Variants in RASGRP3 observed in about 807,000 individuals in gnomAD.
RASGRP3 encodes the protein RAS guanyl releasing protein 3.
RASGRP3 carries 54 observed loss-of-function variants against 82.7 expected under a neutral mutation model. That is an observed-to-expected ratio of 0.65 (90% CI 0.52 to 0.82). The LOEUF is 0.82. RASGRP3 is among the 40% of genes least tolerant of loss of function. The probability of loss-of-function intolerance (pLI) is 0.00; values close to 1 mark genes in which losing one functional copy is unlikely to be tolerated. For synonymous variants in RASGRP3, 309 were observed against 300.5 expected (o/e 1.03, Z -0.29); for missense variants, 861 against 828.9 (o/e 1.04, Z -0.48).
At chr2:33,549,325 C>T (rs956724968) in intron 13 of RASGRP3, among the ~76,000 whole-genome samples, 3 of 139,546 alleles carry the variant, frequency 2.1e-5, no homozygotes, top group Admixed American at 7.4e-5. Context: ...TTCTGTGCTG[C>T]GGTGCACAGG....
intron 11 of RASGRP3, among the ~76,000 whole-genome samples, chr2:33,536,872 T>C (rs539717663): frequency 6.5e-4 from 99 of 151,458 alleles, no homozygotes; most frequent in Non-Finnish European, 1.2e-3. Context: ...CCGGGGAGAG[T>C]GCTTTTGGGC....
At chr2:33,503,771 A>G (rs1349326482) in intron 1 of RASGRP3, among the ~76,000 whole-genome samples, 2 of 152,224 alleles carry the variant, frequency 1.3e-5, no homozygotes, top group African/African-American at 4.8e-5. Flanking sequence ...AACATAGTAC[A>G]GTTTCTCTTA....
intron 1 of RASGRP3, among the ~76,000 whole-genome samples, chr2:33,500,332 G>T (rs1308923101): frequency 6.6e-6 from 1 of 152,152 alleles, no homozygotes; most frequent in Non-Finnish European, 1.5e-5. Flanking sequence ...TGGAAAGATT[G>T]ATTTGGGCCC....
intron 1 of RASGRP3, among the ~76,000 whole-genome samples, chr2:33,506,035 A>G (rs1195354170): frequency 6.6e-6 from 1 of 152,264 alleles, no homozygotes; most frequent in East Asian, 1.9e-4. Context: ...AAACATAAAT[A>G]AAATGCAGTT....
chr2:33,480,543 C>T (rs1343707331), intron 1 of RASGRP3, among the ~76,000 whole-genome samples: 1 of 151,994 alleles, frequency 6.6e-6, no homozygotes, highest in Non-Finnish European at 1.5e-5. Flanking sequence ...GAAGTGGACT[C>T]AGAATCACGA....
At chr2:33,476,758 C>CGTGCGCGTGT (rs1553338895) in intron 1 of RASGRP3, 51 bp downstream of exon 1, 1 of 140,258 alleles carries the variant, frequency 7.1e-6, no homozygotes, top group Non-Finnish European at 1.5e-5. Flanking sequence ...ATTCCCTCTC[C>CGTGCGCGTGT]GTGTGTGTGT....
chr2:33,499,084 C>T (rs990893774), intron 1 of RASGRP3, among the ~76,000 whole-genome samples: 1 of 152,026 alleles, frequency 6.6e-6, no homozygotes. Flanking sequence ...AAAAGAGAAA[C>T]ATCAAGACAA....
intron 10 of RASGRP3, chr2:33,530,818 C>T (rs1214369958): frequency 6.7e-6 from 1 of 148,880 alleles, no homozygotes; most frequent in South Asian, 2.1e-4. Context: ...GGAAGGAGGA[C>T]CACGCCACCA....
chr2:33,518,167 T>C (rs1212421002), intron 4 of RASGRP3, among the ~76,000 whole-genome samples: 1 of 152,084 alleles, frequency 6.6e-6, no homozygotes, highest in African/African-American at 2.4e-5. Context: ...CATCATAGAG[T>C]GCACTCACAC....
intron 1 of RASGRP3, among the ~76,000 whole-genome samples, chr2:33,478,101 C>G (rs190525549): frequency 3.9e-5 from 6 of 152,290 alleles, no homozygotes; most frequent in South Asian, 4.1e-4. Context: ...CACGGCACTT[C>G]TGCGATCGAG....
intron 1 of RASGRP3, among the ~76,000 whole-genome samples, chr2:33,447,211 T>A (rs1342374596): frequency 1.3e-5 from 2 of 152,040 alleles, no homozygotes; most frequent in African/African-American, 2.4e-5. Flanking sequence ...CTGGTTGATT[T>A]CACAAAACAG....
chr2:33,551,516 G>A (rs1315715933), intron 14 of RASGRP3, among the ~76,000 whole-genome samples: 1 of 151,980 alleles, frequency 6.6e-6, no homozygotes, highest in Non-Finnish European at 1.5e-5. Context: ...GTCTTTTGGT[G>A]GGCTGTGAGA....
At chr2:33,522,599 C>T (rs770331130) in intron 7 of RASGRP3, among the ~76,000 whole-genome samples, 1 of 152,204 alleles carries the variant, frequency 6.6e-6, no homozygotes, top group Non-Finnish European at 1.5e-5. Flanking sequence ...CTTTCCTACT[C>T]ATCTTGATGG....
At chr2:33,459,454 C>G (rs535340761) in intron 2 of RASGRP3, among the ~76,000 whole-genome samples, 1 of 152,260 alleles carries the variant, frequency 6.6e-6, no homozygotes, top group East Asian at 1.9e-4. Flanking sequence ...AAGTCTATAA[C>G]TTTGCATTGC....
rs868712965 is a variant in RASGRP3 at position 33,543,503 on chromosome 2, C to T, written c.1279-9C>T. The T allele has an allele frequency of 6.5e-7, 1 of 1,530,874 alleles. No individual in the cohort carries two copies. Among genetic ancestry groups the T allele is most frequent in the Non-Finnish European group, 9.0e-7 (1 of 1,109,900 alleles). 94.8% of individuals were successfully genotyped at this position (1,530,874 alleles called of 1,614,324 possible). ...AGTCATTCAATAAATACTTATCTTT[C>T]CTTTGCAGTCTGTATTTAGAAACTA... On this transcript the variant is annotated splice_polypyrimidine_tract_variant and intron_variant, in intron 12 of 17. Transcript: ENST00000403687.
chr2:33,478,053 T>A (rs1667538780), intron 1 of RASGRP3, among the ~76,000 whole-genome samples: 1 of 152,062 alleles, frequency 6.6e-6, no homozygotes, highest in Non-Finnish European at 1.5e-5. Flanking sequence ...TTACCATCCT[T>A]TGTTGTTTGT....
At position 33,491,119 on chromosome 2, in the gene RASGRP3, C is replaced by G. The variant is rs185884757; in HGVS notation, c.-261+14412C>G. ...TTGCTTGAGGCCGGGAGTTTGAGAC[C>G]AGCCTGGCCAACATAGGGAAACCTC... On this transcript the variant is annotated intron_variant, in intron 1 of 17. Coordinates refer to ENST00000403687, the MANE Select transcript of RASGRP3 (RefSeq NM_001139488.2). Among the ~76,000 whole-genome samples the G allele has an allele frequency of 9.3e-4, 142 of 152,086 alleles. 1 individual carries two copies. In the Middle Eastern group the frequency reaches 0.034, roughly 36 times the overall value.
intron 13 of RASGRP3, among the ~76,000 whole-genome samples, chr2:33,545,442 G>T (rs549341040): frequency 1.2e-4 from 19 of 152,242 alleles, no homozygotes; most frequent in Non-Finnish European, 2.8e-4. Flanking sequence ...TCTTTACTGT[G>T]TGACTTCCCA....
chr2:33,547,342 C>CTTTTTTTTTTTTTTT lies in RASGRP3; in HGVS notation c.1395-2247_1395-2233dup, dbSNP rs59601670. On this transcript the variant is annotated intron_variant, in intron 13 of 17. Transcript: ENST00000403687. ...CCCGCAAGCTTGAGAATATAGAATC[C>CTTTTTTTTTTTTTTT]TTTTTTTTTTTTTTTTTTTTTTTTT... Among the ~76,000 whole-genome samples the CTTTTTTTTTTTTTTT allele has an allele frequency of 2.6e-4, 18 of 68,206 alleles. 3 individuals carry two copies. The highest frequency in any genetic ancestry group is 4.1e-4 in the Non-Finnish European group (16 of 39,016). 44.7% of individuals were successfully genotyped at this position (68,206 alleles called of 152,430 possible).
Sources: allele counts gnomAD v4.1 joint callset (sites outside exome capture counted in the v4.1 genomes callset), GRCh38; gene constraint gnomAD v4.1.1; transcripts MANE v1.5; gene names NCBI Gene and HGNC (gene_info 2026-07-23, HGNC 2026-07-21).